Variants in STARD9 observed in about 807,000 individuals in gnomAD.
STARD9 encodes the protein StAR related lipid transfer domain containing 9, also known as stAR-related lipid transfer protein 9.
A neutral mutation model predicts 399.8 loss-of-function variants in STARD9; 346 were observed. The ratio of observed to expected loss-of-function variants is 0.87; its 90% CI spans 0.79 to 0.95. The LOEUF (loss-of-function observed/expected upper bound fraction) is 0.95. Among genes scored for constraint, STARD9 ranks in the 40% least tolerant of loss-of-function variants. The pLI is 0.00. For missense variants in STARD9, 5,832 were observed against 5,667.5 expected (o/e 1.03, Z -0.93); for synonymous variants, 2,203 against 2,143.5 (o/e 1.03, Z -0.77).
chr15:42,680,110 T>A (rs1217609318), intron 20 of STARD9, among the ~76,000 whole-genome samples: 5 of 152,156 alleles, frequency 3.3e-5, no homozygotes. Flanking sequence ...CATCCTGGGG[T>A]GCCCATACAG....
At chr15:42,716,460 C>T (rs911017494) in intron 26 of STARD9, among the ~76,000 whole-genome samples, 1 of 152,154 alleles carries the variant, frequency 6.6e-6, no homozygotes, top group Admixed American at 6.5e-5. Flanking sequence ...TGTAAGCAGC[C>T]TCTGCCTGTG....
Position 42,622,051 on chromosome 15 carries a change from T to G in STARD9, c.235-12805T>G, listed in dbSNP as rs577161924. Among the ~76,000 whole-genome samples the G allele has an allele frequency of 7.9e-5, 12 of 152,330 alleles. No homozygotes were observed. The South Asian group carries it at 2.5e-3, about 32-fold the overall frequency. On this transcript the variant is annotated intron_variant, in intron 3 of 32. Coordinates refer to ENST00000290607, the MANE Select transcript of STARD9 (RefSeq NM_020759.3). ...ACCATACAATTCATTCTTTTTTGTTTCCTTGACTCTACATTAAAGGAAAAT... is the reference window on the plus strand; with the variant it reads ...ACCATACAATTCATTCTTTTTTGTTGCCTTGACTCTACATTAAAGGAAAAT...
Position 42,685,752 on chromosome 15 carries a change from C to T in STARD9, c.4174C>T (p.Leu1392=), listed in dbSNP as rs1236488960. Residue 1392 remains leucine, a synonymous_variant, in exon 23 of 33, where the codon CTG becomes TTG. Transcript: ENST00000290607. ...AAAGCCATCAGATGCAGAAACGGTT[C>T]TGCCATATAGCTCCAAACTGCACCA... The part of the protein sequence containing the change: ...ELKPSDAETV[L]PYSSKLHQGS... 5.2e-6 allele frequency: 8 copies of T among 1,537,332 alleles called. No individual in the cohort carries two copies. The highest frequency in any genetic ancestry group is 7.0e-6 in the Non-Finnish European group (8 of 1,146,962).
chr15:42,576,776 G>A (rs2058065450), intron 1 of STARD9, among the ~76,000 whole-genome samples: 1 of 152,182 alleles, frequency 6.6e-6, no homozygotes, highest in Non-Finnish European at 1.5e-5. Context: ...GATTATGTTC[G>A]TCCTCATATA....
At position 42,690,381 on chromosome 15, in the gene STARD9, G is replaced by C. The variant is rs201158158; in HGVS notation, c.8803G>C (p.Glu2935Gln). The C allele has an allele frequency of 2.6e-4, 407 of 1,537,114 alleles. 1 individual carries two copies. The highest frequency in any genetic ancestry group is 3.2e-4 in the Non-Finnish European group (363 of 1,146,918). Reference protein sequence around the residue: ...LDGPVFSRNPEGSRTLSPSRG... With the variant: ...LDGPVFSRNPQGSRTLSPSRG... ...TGGCCCTGTCTTCTCAAGGAACCCT[G>C]AAGGCAGCAGGACTCTCAGCCCGTC... Residue 2935 changes from glutamate (E) to glutamine (Q), a missense_variant, in exon 23 of 33, where the codon GAA (glutamate) becomes CAA (glutamine). Coordinates refer to ENST00000290607, the MANE Select transcript of STARD9 (RefSeq NM_020759.3).
intron 26 of STARD9, among the ~76,000 whole-genome samples, chr15:42,707,468 CTTTT>C (rs544507849): frequency 3.7e-5 from 5 of 134,632 alleles, no homozygotes; most frequent in African/African-American, 8.5e-5. Flanking sequence ...GAGTGAAAAA[CTTTT>C]TTTTTTTTTT....
chr15:42,695,675 G>A, intron 25 of STARD9, 68 bp from the exon 26 acceptor site: 1 of 1,491,900 alleles, frequency 6.7e-7, no homozygotes, highest in Non-Finnish European at 8.9e-7. Flanking sequence ...CTTTGGGTAG[G>A]AAAAGGCGTG....
At chr15:42,655,899 CAAA>C (rs942421309) in intron 9 of STARD9, among the ~76,000 whole-genome samples, 11 of 152,146 alleles carry the variant, frequency 7.2e-5, no homozygotes, top group African/African-American at 2.2e-4. Context: ...ACAGTCCCAT[CAAA>C]AAGTGGGCTA....
intron 3 of STARD9, among the ~76,000 whole-genome samples, chr15:42,593,869 C>T (rs1050931876): frequency 3.3e-5 from 5 of 151,638 alleles, no homozygotes; most frequent in Admixed American, 2.0e-4. Flanking sequence ...GGGGTTTCTC[C>T]GTGTTAGCCA....
At chr15:42,612,300 G>A (rs1237694991) in intron 3 of STARD9, among the ~76,000 whole-genome samples, 1 of 152,088 alleles carries the variant, frequency 6.6e-6, no homozygotes, top group African/African-American at 2.4e-5. Context: ...TCTTATTTGG[G>A]TCATCTGTGA....
chr15:42,718,223 T>C, intron 30 of STARD9, 44 bp downstream of exon 30: 2 of 1,510,768 alleles, frequency 1.3e-6, no homozygotes, highest in Non-Finnish European at 1.8e-6. Flanking sequence ...TAGTTTCTGG[T>C]GTGCCCAGTG....
At chr15:42,610,255 C>A (rs2058821051) in intron 3 of STARD9, among the ~76,000 whole-genome samples, 1 of 152,180 alleles carries the variant, frequency 6.6e-6, no homozygotes, top group African/African-American at 2.4e-5. Context: ...CACTTCCCAG[C>A]CCCACTTGGT....
chr15:42,714,058 A>ATTT (rs35057586), intron 26 of STARD9, among the ~76,000 whole-genome samples: 41 of 119,136 alleles, frequency 3.4e-4, no homozygotes, highest in Non-Finnish European at 5.6e-4. Flanking sequence ...ATGCACTAAG[A>ATTT]TTTTTTTTTT....
intron 1 of STARD9, chr15:42,581,555 G>T: frequency 9.3e-7 from 1 of 1,076,230 alleles, no homozygotes; most frequent in Non-Finnish European, 1.4e-6. Context: ...GTCTGCTCCA[G>T]CTCCTAGGGC....
At chr15:42,642,882 T>G (rs1255278917) in intron 7 of STARD9, among the ~76,000 whole-genome samples, 1 of 152,176 alleles carries the variant, frequency 6.6e-6, no homozygotes, top group Non-Finnish European at 1.5e-5. Flanking sequence ...CACTGCAGCC[T>G]CAAACTCCTG....
At chr15:42,674,607 C>A in intron 17 of STARD9, 116 bp downstream of exon 17, 1 of 1,212,832 alleles carries the variant, frequency 8.2e-7, no homozygotes, top group Non-Finnish European at 1.2e-6. Flanking sequence ...GTATTCAGGG[C>A]CTGCTTCTCT....
intron 26 of STARD9, among the ~76,000 whole-genome samples, chr15:42,699,035 C>T (rs2060903945): frequency 6.6e-6 from 1 of 151,700 alleles, no homozygotes; most frequent in Non-Finnish European, 1.5e-5. Flanking sequence ...AAAAAATTGT[C>T]TTATTTTATT....
In STARD9 at chr15:42,646,708, T is replaced by C. The variant is rs929031464; in HGVS notation, c.560-4308T>C. Among the ~76,000 whole-genome samples, 6 of 152,206 alleles carry C rather than the reference T, an allele frequency of 3.9e-5. No individual in the cohort carries two copies. The East Asian group carries it at 1.2e-3, about 29-fold the overall frequency. On this transcript the variant is annotated intron_variant, in intron 7 of 32. Transcript: ENST00000290607. ...TCTTATCGTTCATGTGTTCACGGAGTAGCACTTTTAATTTCCTTCAAGAAC... is the reference window on the plus strand; with the variant it reads ...TCTTATCGTTCATGTGTTCACGGAGCAGCACTTTTAATTTCCTTCAAGAAC...
Position 42,684,552 on chromosome 15 carries a change from A to G in STARD9, c.2974A>G (p.Lys992Glu). 1 of 1,537,250 alleles carries G rather than the reference A, an allele frequency of 6.5e-7. No individual in the cohort carries two copies. The highest frequency in any genetic ancestry group is 1.2e-5 in the South Asian group (1 of 84,066). ...DPSHTQAGWR[K>E]EGNLGTHKAA... ...TAGCCACACACAAGCTGGGTGGCGA[A>G]AAGAAGGGAACCTTGGGACCCACAA... Residue 992 changes from lysine (K) to glutamate (E), a missense_variant, in exon 23 of 33, where the codon AAA becomes GAA. Physicochemically the swap from Lys to Glu is moderately conservative, Grantham distance 56 (BLOSUM62 1). Around this residue, in one of 2 missense-constraint regions of STARD9, gnomAD observed 5,828 missense variants for 5,651.1 expected, o/e 1.03. Transcript: ENST00000290607.
Sources: gnomAD v4.1 joint callset for allele counts (sites outside exome capture counted in the v4.1 genomes callset) on GRCh38, gnomAD v4.1.1 for gene constraint, gnomAD v4.1.1 regional missense constraint, MANE v1.5 for transcripts, NCBI Gene and HGNC (gene_info 2026-07-23, HGNC 2026-07-21) for gene names.